The following MVP variants were observed in gnomAD, a reference collection of about 807,000 sequenced individuals.
MVP encodes lung resistance-related protein.
MVP carries 62 observed loss-of-function variants against 83.5 expected under a neutral mutation model. The ratio of observed to expected loss-of-function variants is 0.74; its 90% CI spans 0.61 to 0.92. MVP has a LOEUF of 0.92. Among genes scored for constraint, MVP ranks in the 40% least tolerant of loss-of-function variants. The pLI is 0.00. For missense variants in MVP, 1,000 were observed against 1,203.4 expected (o/e 0.83, Z 2.50); for synonymous variants, 505 against 504.1 (o/e 1.00, Z -0.02).
chr16:29,843,325 C>CA (rs1027625078), intron 10 of MVP, among the ~76,000 whole-genome samples: 3,397 of 139,278 alleles, frequency 0.024, 62 homozygotes, highest in Middle Eastern at 0.058. Flanking sequence ...GACTCTGTTT[C>CA]AAAAAAAAAA....
In MVP at chr16:29,847,355, G is replaced by T; in HGVS notation, c.2424G>T (p.Arg808Ser). The change falls in exon 14 of 15, where the codon AGG becomes AGT. Residue 808 changes from arginine to serine, a missense_variant. Arg to Ser is a moderately radical substitution (Grantham distance 110). Transcript: ENST00000357402. ...MTEAIGPSTIRDLAVAGPEMQ... is the reference protein window; with the variant it reads ...MTEAIGPSTISDLAVAGPEMQ... ...AGGCCATAGGCCCCAGCACCATCAGGGACCTTGCTGTGGCTGGGCCTGAGA... is the reference window on the plus strand; with the variant it reads ...AGGCCATAGGCCCCAGCACCATCAGTGACCTTGCTGTGGCTGGGCCTGAGA... 1 of 1,573,890 alleles carries T rather than the reference G, an allele frequency of 6.4e-7. No individual in the cohort carries two copies. Among genetic ancestry groups the T allele is most frequent in the Non-Finnish European group, 8.6e-7 (1 of 1,163,112 alleles).
At position 29,823,831 on chromosome 16, in the gene MVP, G is replaced by A. The variant is rs143987484; in HGVS notation, c.-36+3321G>A. On this transcript the variant is annotated intron_variant, in intron 1 of 14. Transcript: ENST00000357402. Reference sequence around the variant, plus strand: ...CACTCCAGCCTGGGTGACAGAGCGAGACTCGTCTCAGAAAAAAAAAAAAAA... The same window carrying A: ...CACTCCAGCCTGGGTGACAGAGCGAAACTCGTCTCAGAAAAAAAAAAAAAA... Among the ~76,000 whole-genome samples the A allele has an allele frequency of 6.8e-3, 1,002 of 146,774 alleles. 16 individuals carry two copies. The highest frequency in any genetic ancestry group is 0.024 in the African/African-American group (946 of 39,450).
intron 7 of MVP, 36 bp from the exon 8 acceptor site, chr16:29,840,142 A>G (rs1291425827): frequency 6.4e-6 from 10 of 1,561,930 alleles, no homozygotes; most frequent in African/African-American, 1.4e-5. Flanking sequence ...CCGCAACCCT[A>G]AAGGCACTGA....
chr16:29,840,708 G>A (rs527343198), intron 8 of MVP, among the ~76,000 whole-genome samples: 10 of 152,252 alleles, frequency 6.6e-5, no homozygotes, highest in East Asian at 1.9e-4. Context: ...TTGGGAGGCC[G>A]AGGCGGGCGG....
At chr16:29,823,405 A>G (rs2067379419) in intron 1 of MVP, among the ~76,000 whole-genome samples, 1 of 152,050 alleles carries the variant, frequency 6.6e-6, no homozygotes, top group South Asian at 2.1e-4. Context: ...CTGGGATTAC[A>G]GGTGGGAGCC....
chr16:29,846,409 C>G (rs2067586513), intron 13 of MVP, 125 bp downstream of exon 13: 3 of 1,360,188 alleles, frequency 2.2e-6, no homozygotes. Context: ...AAGTACTTTG[C>G]ATTTGCAAAG....
Position 29,834,076 on chromosome 16 carries a change from C to T in MVP, c.577+10C>T, listed in dbSNP as rs2067466447. Reference sequence around the variant, plus strand: ...AAGGAGAGGGTGACAGGTGGGGTCACCAAGGGGCGATGATGGTGGGTGGGC... The same window carrying T: ...AAGGAGAGGGTGACAGGTGGGGTCATCAAGGGGCGATGATGGTGGGTGGGC... On this transcript the variant is annotated intron_variant, in intron 5 of 14. Coordinates refer to ENST00000357402, the MANE Select transcript of MVP (RefSeq NM_005115.5). 1.2e-6 allele frequency: 2 copies of T among 1,612,268 alleles called. No homozygotes were observed. The highest frequency in any genetic ancestry group is 1.7e-5 in the Admixed American group (1 of 59,758).
intron 10 of MVP, among the ~76,000 whole-genome samples, chr16:29,842,866 CCCAGTG>C (rs1410265916): frequency 6.6e-6 from 1 of 152,214 alleles, no homozygotes; most frequent in Non-Finnish European, 1.5e-5. Flanking sequence ...CAACTAAGCT[CCCAGTG>C]AGCGTGCAGC....
intron 2 of MVP, 57 bp from the exon 3 acceptor site, chr16:29,830,821 T>C: frequency 6.3e-7 from 1 of 1,582,204 alleles, no homozygotes; most frequent in East Asian, 2.2e-5. Context: ...TTTGGTGTCC[T>C]CTTTGGTAGT....
In MVP at chr16:29,836,972, A is replaced by T; in HGVS notation, c.909+14A>T. The T allele has an allele frequency of 6.3e-7, 1 of 1,597,602 alleles. No homozygotes were observed. Among genetic ancestry groups the T allele is most frequent in the Non-Finnish European group, 8.6e-7 (1 of 1,168,978 alleles). On this transcript the variant is annotated intron_variant, in intron 7 of 14. Coordinates refer to ENST00000357402, the MANE Select transcript of MVP (RefSeq NM_005115.5). ...CGCGTGGTCAAGGTGAGGTCCCTAC[A>T]CCCCCACAGAGGACTGCCCTGGGAG...
At position 29,830,588 on chromosome 16, in the gene MVP, C is replaced by G. The variant is rs751664054; in HGVS notation, c.39C>G (p.Tyr13Ter). The change falls in exon 2 of 15, where the codon TAC becomes TAG. Residue 13 changes from tyrosine (Y) to a stop codon, truncating the protein, a stop_gained. Coordinates refer to ENST00000357402, the MANE Select transcript of MVP (RefSeq NM_005115.5). LOFTEE classifies it high-confidence loss of function. ...AGTTCATCATCCGCATCCCCCCATA[C>G]CACTATATCCATGTGCTGGACCAGA... is the stretch of plus-strand genomic sequence containing the variant. ...TEEFIIRIPP[Y>*]HYIHVLDQNS... is the part of the protein sequence containing the mutation. 3 of 1,613,928 alleles carry G rather than the reference C, an allele frequency of 1.9e-6. No individual in the cohort carries two copies. Among genetic ancestry groups the G allele is most frequent in the Non-Finnish European group, 2.5e-6 (3 of 1,180,002 alleles).
intron 7 of MVP, among the ~76,000 whole-genome samples, chr16:29,837,349 G>A (rs894970546): frequency 3.3e-5 from 5 of 152,226 alleles, no homozygotes; most frequent in African/African-American, 1.2e-4. Context: ...CTGCCCCTAG[G>A]CTGCCAACCT....
At chr16:29,847,537 G>T in intron 14 of MVP, 152 bp downstream of exon 14, 1 of 906,054 alleles carries the variant, frequency 1.1e-6, no homozygotes. Context: ...ACAGTGTCAC[G>T]CTGCATCAAC....
chr16:29,846,067 C>T (rs964591244), intron 12 of MVP, 88 bp downstream of exon 12: 24 of 1,607,700 alleles, frequency 1.5e-5, no homozygotes, highest in East Asian at 2.2e-5. Flanking sequence ...GGTGGGGTGT[C>T]GATGAGACAG....
At chr16:29,833,687 G>A (rs752214334) in intron 3 of MVP, 46 bp from the exon 4 acceptor site, 1 of 1,611,220 alleles carries the variant, frequency 6.2e-7, no homozygotes, top group South Asian at 1.1e-5. Flanking sequence ...TTGGCCCTGG[G>A]GTCACAGCAC....
Position 29,836,778 on chromosome 16 carries a change from C to T in MVP, c.729C>T (p.Arg243=). Residue 243 remains arginine, a synonymous_variant, in exon 7 of 15, where the codon CGC becomes CGT. Coordinates refer to ENST00000357402, the MANE Select transcript of MVP (RefSeq NM_005115.5). ...TCCGGGACTTCAGGGGAGTGTCCCG[C>T]CGCACTGGGGAGGAGTGGCTGGTAA... ...RNFRDFRGVS[R]RTGEEWLVTV... The T allele has an allele frequency of 6.2e-7, 1 of 1,612,616 alleles. No homozygotes were observed. The highest frequency in any genetic ancestry group is 1.1e-5 in the South Asian group (1 of 90,968).
chr16:29,835,545 G>T, intron 5 of MVP, 159 bp from the exon 6 acceptor site: 3 of 301,540 alleles, frequency 9.9e-6, no homozygotes, highest in Non-Finnish European at 1.2e-5. Context: ...GGCCTCAAAA[G>T]AATGAATAAG....
At chr16:29,845,636 T>C (rs1204293153) in intron 11 of MVP, among the ~76,000 whole-genome samples, 1 of 152,168 alleles carries the variant, frequency 6.6e-6, no homozygotes, top group Non-Finnish European at 1.5e-5. Context: ...CTTTTCCCAC[T>C]CAAGTGGCGT....
intron 5 of MVP, chr16:29,835,491 A>AAAAC (rs2067478166): frequency 3.1e-6 from 1 of 323,738 alleles, no homozygotes; most frequent in Admixed American, 4.5e-5. Context: ...AAAAAAAAAA[A>AAAAC]AAAAAAAAAA....
Sources: allele counts gnomAD v4.1 joint callset (sites outside exome capture counted in the v4.1 genomes callset), GRCh38; gene constraint gnomAD v4.1.1; transcripts MANE v1.5; gene names NCBI Gene and HGNC (gene_info 2026-07-23, HGNC 2026-07-21).